Variants in RNGTT observed in about 807,000 individuals in gnomAD.
RNGTT encodes the protein RNA guanylyltransferase and 5'-phosphatase, also known as mRNA-capping enzyme.
In RNGTT, 33 loss-of-function variants were observed where a neutral mutation model predicts 79.3. The ratio of observed to expected loss-of-function variants is 0.42; its 90% confidence interval spans 0.32 to 0.56. RNGTT has a LOEUF of 0.56. Ranked by LOEUF, RNGTT falls within the 20% of genes least tolerant of loss-of-function variation. The probability of loss-of-function intolerance (pLI) is 0.17; values close to 1 mark genes in which losing one functional copy is unlikely to be tolerated. For synonymous variants in RNGTT, 222 were observed against 235.9 expected (o/e 0.94, Z 0.54); for missense variants, 497 against 739.1 (o/e 0.67, Z 3.80).
intron 12 of RNGTT, among the ~76,000 whole-genome samples, chr6:88,801,060 G>C (rs1292236131): frequency 6.6e-6 from 1 of 152,126 alleles, no homozygotes; most frequent in Non-Finnish European, 1.5e-5. Context: ...CATTAAGTTG[G>C]TAAAAGTTCT....
chr6:88,904,079 T>C (rs1216528711), intron 6 of RNGTT, among the ~76,000 whole-genome samples: 1 of 152,208 alleles, frequency 6.6e-6, no homozygotes, highest in African/African-American at 2.4e-5. Context: ...TGTGACAATT[T>C]TGTAAAGCAT....
chr6:88,743,066 A>G (rs1020827477), intron 13 of RNGTT, among the ~76,000 whole-genome samples: 1 of 152,234 alleles, frequency 6.6e-6, no homozygotes, highest in African/African-American at 2.4e-5. Flanking sequence ...TAATAACATA[A>G]GAAGTAAACA....
rs28690711 is a variant in RNGTT, at chr6:88,866,300, G to A, written c.897-12536C>T. ...TAGTCCCATATCTCCCAAGTAGCAT[G>A]CACTTACACACGTTTATACCCCACC... is the stretch of plus-strand genomic sequence containing the variant. On this transcript the variant is annotated intron_variant, in intron 8 of 15. Coordinates refer to ENST00000369485, the MANE Select transcript of RNGTT (RefSeq NM_003800.5). Among the ~76,000 whole-genome samples the A allele has an allele frequency of 7.8e-3, 1,183 of 152,152 alleles. 7 individuals are homozygous for A. The highest frequency in any genetic ancestry group is 0.026 in the African/African-American group (1,088 of 41,508).
intron 6 of RNGTT, among the ~76,000 whole-genome samples, chr6:88,899,167 C>A (rs564620123): frequency 6.6e-6 from 1 of 150,578 alleles, no homozygotes; most frequent in South Asian, 2.1e-4. Context: ...TTTCCTAATT[C>A]GGCCTTTGGA....
At chr6:88,697,449 G>A (rs1481584758) in intron 13 of RNGTT, among the ~76,000 whole-genome samples, 1 of 152,068 alleles carries the variant, frequency 6.6e-6, no homozygotes, top group Non-Finnish European at 1.5e-5. Context: ...TGCTCAGGAG[G>A]CTGAGGCAGG....
intron 6 of RNGTT, 139 bp downstream of exon 6, chr6:88,904,576 T>G: frequency 9.5e-7 from 1 of 1,050,828 alleles, no homozygotes; most frequent in Non-Finnish European, 1.3e-6. Flanking sequence ...AAAAAAAAAT[T>G]TTTTTTTTAG....
intron 1 of RNGTT, among the ~76,000 whole-genome samples, chr6:88,952,250 C>T (rs1219896442): frequency 6.6e-6 from 1 of 152,160 alleles, no homozygotes; most frequent in Non-Finnish European, 1.5e-5. Flanking sequence ...CCATCCCCTA[C>T]AGTGGCTACA....
At chr6:88,618,215 G>T (rs1433027032) in intron 14 of RNGTT, among the ~76,000 whole-genome samples, 1 of 152,066 alleles carries the variant, frequency 6.6e-6, no homozygotes, top group African/African-American at 2.4e-5. Context: ...TAACCTAAAC[G>T]TATTTCCGTA....
At chr6:88,882,705 G>A (rs1782728625) in intron 8 of RNGTT, among the ~76,000 whole-genome samples, 1 of 152,124 alleles carries the variant, frequency 6.6e-6, no homozygotes, top group African/African-American at 2.4e-5. Flanking sequence ...CTCATGCATG[G>A]GATTAGTGAT....
chr6:88,961,016 T>C (rs1785599795), intron 1 of RNGTT, among the ~76,000 whole-genome samples: 1 of 152,148 alleles, frequency 6.6e-6, no homozygotes, highest in Non-Finnish European at 1.5e-5. Context: ...CAAAGGAGAT[T>C]AACATTTGAA....
At chr6:88,620,100 G>A (rs143737370) in intron 14 of RNGTT, among the ~76,000 whole-genome samples, 79 of 152,248 alleles carry the variant, frequency 5.2e-4, no homozygotes, top group African/African-American at 1.9e-3. Context: ...GAAATCTATT[G>A]GTGTTTGTGC....
intron 13 of RNGTT, among the ~76,000 whole-genome samples, chr6:88,737,508 A>T (rs1230102024): frequency 6.6e-6 from 1 of 152,226 alleles, no homozygotes; most frequent in Non-Finnish European, 1.5e-5. Flanking sequence ...CCCCCTCCCC[A>T]AATTCATATG....
chr6:88,640,232 G>A (rs2127772760), intron 14 of RNGTT, among the ~76,000 whole-genome samples: 1 of 152,150 alleles, frequency 6.6e-6, no homozygotes, highest in South Asian at 2.1e-4. Context: ...ATAACATGTG[G>A]TAGGTATTAA....
rs79152339 is a variant in RNGTT at position 88,736,730 on chromosome 6, C to T, written c.1439+33044G>A. Among the ~76,000 whole-genome samples, 690 of 152,198 alleles carry T rather than the reference C, an allele frequency of 4.5e-3. 2 individuals carry two copies. The highest frequency in any genetic ancestry group is 0.016 in the African/African-American group (646 of 41,502). On this transcript the variant is annotated intron_variant, in intron 13 of 15. Transcript: ENST00000369485. The stretch of plus-strand genomic sequence containing the variant: ...GTACTACCACTCAGTAAAGAGACTA[C>T]GAAATTATCTGAGCAGATACACTGC...
chr6:88,772,544 A>C (rs542657842), intron 12 of RNGTT, among the ~76,000 whole-genome samples: 60 of 151,848 alleles, frequency 4.0e-4, no homozygotes, highest in African/African-American at 1.3e-3. Flanking sequence ...CAACCTACAA[A>C]ATGGGAGAAA....
rs1444075675 is a variant in RNGTT at position 88,701,455 on chromosome 6, T to C, written c.1440-23036A>G. On this transcript the variant is annotated intron_variant, in intron 13 of 15. Transcript: ENST00000369485. Reference sequence around the variant, plus strand: ...ACTTTATCCTATATATGCGTGTGTATATTTATATATATAGCATATATTAGT... The same window carrying C: ...ACTTTATCCTATATATGCGTGTGTACATTTATATATATAGCATATATTAGT... Among the ~76,000 whole-genome samples, 3 of 152,118 alleles carry C rather than the reference T, an allele frequency of 2.0e-5. 1 individual carries two copies. The South Asian group carries it at 6.2e-4, about 31-fold the overall frequency.
At chr6:88,960,461 C>T (rs914181333) in intron 1 of RNGTT, among the ~76,000 whole-genome samples, 24 of 152,212 alleles carry the variant, frequency 1.6e-4, no homozygotes, top group Admixed American at 3.3e-4. Flanking sequence ...GGGCTGGGTG[C>T]GGTAGCTCAC....
At chr6:88,700,171 G>C (rs1192240394) in intron 13 of RNGTT, among the ~76,000 whole-genome samples, 1 of 152,060 alleles carries the variant, frequency 6.6e-6, no homozygotes, top group Non-Finnish European at 1.5e-5. Flanking sequence ...TATTCCTAAA[G>C]CACAAGGTTA....
At chr6:88,761,464 C>T (rs749460159) in intron 13 of RNGTT, among the ~76,000 whole-genome samples, 5 of 152,004 alleles carry the variant, frequency 3.3e-5, no homozygotes, top group Non-Finnish European at 5.9e-5. Context: ...GCACTCCAGC[C>T]TGGGCAACAG....
Sources: allele counts gnomAD v4.1 joint callset (sites outside exome capture counted in the v4.1 genomes callset), GRCh38; gene constraint gnomAD v4.1.1; transcripts MANE v1.5; gene names NCBI Gene and HGNC (gene_info 2026-07-23, HGNC 2026-07-21).